Variants in TLE1 observed in about 807,000 individuals in gnomAD.
TLE1 encodes the protein TLE family member 1, transcriptional corepressor.
A neutral mutation model predicts 89.8 loss-of-function variants in TLE1; 21 were observed. The ratio of observed to expected loss-of-function variants is 0.23; its 90% CI spans 0.17 to 0.34. TLE1 has a LOEUF of 0.34. TLE1 is among the 10% of genes least tolerant of loss of function. The pLI, the probability that TLE1 is intolerant of heterozygous loss-of-function variation, is 1.00. For synonymous variants in TLE1, 447 were observed against 407.6 expected, an observed-to-expected ratio of 1.10 and a Z score of -1.16; for missense variants, 795 against 1,031.2, an observed-to-expected ratio of 0.77 and a Z score of 3.14.
chr9:81,687,310 C>T (rs745483064), intron 2 of TLE1, 24 bp downstream of exon 2: 1 of 1,583,904 alleles, frequency 6.3e-7, no homozygotes, highest in Non-Finnish European at 8.6e-7. Context: ...CGCGACCACT[C>T]GCATGGCGCG....
In TLE1 at chr9:81,593,250, T is replaced by G; in HGVS notation, c.1356A>C (p.Ala452=). ...AAGGGACAGGCTGCATCTGACCGTC[T>G]GCAGTAACGTGGAAGGAGTATGCAC... The part of the protein sequence containing the change: ...GKPAYSFHVT[A]DGQMQPVPFP... Residue 452 remains alanine, a synonymous_variant, in exon 15 of 20, where the codon GCA becomes GCC. Coordinates refer to ENST00000376499, the MANE Select transcript of TLE1 (RefSeq NM_005077.5). The G allele has an allele frequency of 6.2e-7, 1 of 1,613,824 alleles. No individual in the cohort carries two copies. Among genetic ancestry groups the G allele is most frequent in the Non-Finnish European group, 8.5e-7 (1 of 1,179,742 alleles).
intron 8 of TLE1, among the ~76,000 whole-genome samples, chr9:81,624,020 A>G (rs1286965328): frequency 1.3e-5 from 2 of 152,116 alleles, no homozygotes; most frequent in East Asian, 3.9e-4. Flanking sequence ...TTCCCATTAC[A>G]GCCAAAGTGC....
intron 15 of TLE1, among the ~76,000 whole-genome samples, chr9:81,591,530 T>C (rs1426432253): frequency 1.3e-5 from 2 of 152,166 alleles, no homozygotes; most frequent in Admixed American, 1.3e-4. Context: ...GCTGTTACAC[T>C]TAAGCCCCTC....
intron 6 of TLE1, among the ~76,000 whole-genome samples, chr9:81,634,742 T>G (rs932049541): frequency 6.6e-6 from 1 of 152,130 alleles, no homozygotes; most frequent in Non-Finnish European, 1.5e-5. Flanking sequence ...CACGCTGTTT[T>G]CAGAGGGATT....
chr9:81,673,032 G>A (rs543999760), intron 4 of TLE1, among the ~76,000 whole-genome samples: 1 of 152,144 alleles, frequency 6.6e-6, no homozygotes, highest in African/African-American at 2.4e-5. Context: ...CAGCACTTTG[G>A]GAGGCTGAGG....
chr9:81,594,985 A>T (rs950766051), intron 14 of TLE1, among the ~76,000 whole-genome samples: 2 of 152,190 alleles, frequency 1.3e-5, no homozygotes, highest in Non-Finnish European at 2.9e-5. Flanking sequence ...ACATAATCTC[A>T]ATCTGTTATC....
intron 6 of TLE1, among the ~76,000 whole-genome samples, chr9:81,639,904 A>G (rs10867787): frequency 0.15 from 22,476 of 152,060 alleles, 2,135 homozygotes; most frequent in Non-Finnish European, 0.2. Context: ...AGCATTTTTG[A>G]TAAGCAATGA....
chr9:81,584,244 G>GT lies in TLE1; in HGVS notation c.2266dup (p.Thr756AsnfsTer12). On this transcript the variant is annotated frameshift_variant, in exon 20 of 20. Transcript: ENST00000376499. LOFTEE classifies it high-confidence loss of function. ...TGTAGCCTTCTTGTCCCCCGAGCCA[G>GT]TGACTATGTACTTATCATCCACAGA... 1 of 1,614,202 alleles carries GT rather than the reference G, an allele frequency of 6.2e-7. No homozygotes were observed. Among genetic ancestry groups the GT allele is most frequent in the Non-Finnish European group, 8.5e-7 (1 of 1,180,036 alleles).
intron 8 of TLE1, among the ~76,000 whole-genome samples, chr9:81,625,621 G>A (rs953384561): frequency 3.3e-5 from 5 of 152,162 alleles, no homozygotes; most frequent in African/African-American, 1.2e-4. Flanking sequence ...AACTTACAAT[G>A]TAAGTAGGTG....
intron 4 of TLE1, among the ~76,000 whole-genome samples, chr9:81,684,483 A>T (rs1348180208): frequency 1.3e-5 from 2 of 152,236 alleles, no homozygotes; most frequent in Non-Finnish European, 2.9e-5. Flanking sequence ...GAAATCTATG[A>T]TGAATTAAAA....
intron 4 of TLE1, among the ~76,000 whole-genome samples, chr9:81,684,176 T>A (rs796370623): frequency 5.3e-5 from 8 of 149,854 alleles, no homozygotes; most frequent in African/African-American, 2.0e-4. Context: ...TTAAACCGCC[T>A]AGGCCAAGTT....
intron 4 of TLE1, among the ~76,000 whole-genome samples, chr9:81,675,678 T>A (rs1832780343): frequency 6.6e-6 from 1 of 150,794 alleles, no homozygotes. Flanking sequence ...TTTTTAATTT[T>A]AGCATAAGGA....
intron 14 of TLE1, among the ~76,000 whole-genome samples, chr9:81,606,981 T>C (rs920624912): frequency 2.0e-5 from 3 of 151,146 alleles, no homozygotes; most frequent in Admixed American, 6.6e-5. Flanking sequence ...CCCAGCACTT[T>C]GGGAGGCCAT....
chr9:81,688,348 G>C lies in TLE1; in HGVS notation c.-108C>G, dbSNP rs192561519. Reference sequence around the variant, plus strand: ...TAAGCCGGAAAGCCAAGCAGAAGCGGGGAGCGCGCTGGCCACGCACGCGCG... The same window carrying C: ...TAAGCCGGAAAGCCAAGCAGAAGCGCGGAGCGCGCTGGCCACGCACGCGCG... On this transcript the variant is annotated 5_prime_UTR_variant, in exon 1 of 20. Coordinates refer to ENST00000376499, the MANE Select transcript of TLE1 (RefSeq NM_005077.5). The C allele has an allele frequency of 5.5e-6, 7 of 1,277,116 alleles. No homozygotes were observed. The East Asian group carries it at 2.2e-4, about 40-fold the overall frequency. 79.1% of individuals were successfully genotyped at this position (1,277,116 alleles called of 1,614,324 possible).
chr9:81,687,661 G>A, intron 1 of TLE1, among the ~76,000 whole-genome samples: 1 of 152,186 alleles, frequency 6.6e-6, no homozygotes, highest in Non-Finnish European at 1.5e-5. Context: ...TCTCCAGGGC[G>A]GATTGCGCTA....
chr9:81,627,874 C>T (rs1160602166), intron 8 of TLE1, among the ~76,000 whole-genome samples: 4 of 152,072 alleles, frequency 2.6e-5, no homozygotes, highest in Non-Finnish European at 4.4e-5. Flanking sequence ...CACCTTGGCA[C>T]GTGGACCCTT....
rs367694550 is a variant in TLE1, at chr9:81,688,205, G to T, written c.24+12C>A. ...GATCCTGGCCCCCCACCACCACCCAGCCGCGCCTCACCGGGTGCCGGCTCT... is the reference window on the plus strand; with the variant it reads ...GATCCTGGCCCCCCACCACCACCCATCCGCGCCTCACCGGGTGCCGGCTCT... On this transcript the variant is annotated intron_variant, in intron 1 of 19. Transcript: ENST00000376499. 1.3e-6 allele frequency: 2 copies of T among 1,598,130 alleles called. No homozygotes were observed. Among genetic ancestry groups the T allele is most frequent in the South Asian group, 2.2e-5 (2 of 90,208 alleles).
chr9:81,670,838 C>G (rs1309707762), intron 4 of TLE1, among the ~76,000 whole-genome samples: 4 of 151,940 alleles, frequency 2.6e-5, no homozygotes, highest in African/African-American at 9.7e-5. Flanking sequence ...GTCTGGGACC[C>G]TTTCGGTAGG....
At chr9:81,622,626 G>A (rs999127851) in intron 8 of TLE1, among the ~76,000 whole-genome samples, 2 of 152,158 alleles carry the variant, frequency 1.3e-5, no homozygotes, top group African/African-American at 2.4e-5. Flanking sequence ...TGTAATTTCC[G>A]CTTGAGCGGC....
Sources: gnomAD v4.1 joint callset for allele counts (sites outside exome capture counted in the v4.1 genomes callset) on GRCh38, gnomAD v4.1.1 for gene constraint, MANE v1.5 for transcripts, NCBI Gene and HGNC (gene_info 2026-07-23, HGNC 2026-07-21) for gene names.